Variants in EPB41 observed in about 807,000 individuals in gnomAD.
EPB41 encodes erythrocyte membrane protein band 4.1.
Under a neutral mutation model 108.0 loss-of-function variants are expected in EPB41, and 65 were observed. The ratio of observed to expected loss-of-function variants is 0.60; its 90% CI spans 0.49 to 0.74. The LOEUF is 0.74. EPB41 is among the 30% of genes least tolerant of loss of function. The pLI is 0.00. For missense variants in EPB41, 875 were observed against 1,037.0 expected, an observed-to-expected ratio of 0.84 and a Z score of 2.15; for synonymous variants, 336 against 358.9, an observed-to-expected ratio of 0.94 and a Z score of 0.72.
At position 29,119,009 on chromosome 1, in the gene EPB41, A is replaced by C. The variant is rs895724703; in HGVS notation, c.*2197A>C. ...GTCCCTTTAAAAACTAACCCACTGA[A>C]TATTCCGTGTGATCTAGAACAGTGT... On this transcript the variant is annotated 3_prime_UTR_variant, in exon 21 of 21. Transcript: ENST00000343067. 1 of 152,242 alleles carries C rather than the reference A, an allele frequency of 6.6e-6. No individual in the cohort carries two copies. Among genetic ancestry groups the C allele is most frequent in the Non-Finnish European group, 1.5e-5 (1 of 68,052 alleles). 9.4% of individuals were successfully genotyped at this position (152,242 alleles called of 1,614,324 possible).
intron 1 of EPB41, among the ~76,000 whole-genome samples, chr1:28,935,528 C>A (rs1224840389): frequency 3.4e-5 from 5 of 147,404 alleles, no homozygotes; most frequent in Non-Finnish European, 6.0e-5. Context: ...ATCTTCTTCC[C>A]TCTAGTCTTT....
chr1:29,029,205 A>G (rs1024440345), intron 7 of EPB41, among the ~76,000 whole-genome samples: 3 of 152,232 alleles, frequency 2.0e-5, no homozygotes, highest in Non-Finnish European at 4.4e-5. Context: ...GAATATACAG[A>G]CTTGCATAAG....
chr1:29,017,656 A>G (rs1236737581), intron 6 of EPB41, among the ~76,000 whole-genome samples: 1 of 152,226 alleles, frequency 6.6e-6, no homozygotes, highest in East Asian at 1.9e-4. Flanking sequence ...TGAAAATGTC[A>G]GTAATGTCAT....
intron 19 of EPB41, among the ~76,000 whole-genome samples, chr1:29,112,851 G>A (rs1669642407): frequency 6.6e-6 from 1 of 152,146 alleles, no homozygotes; most frequent in Middle Eastern, 3.4e-3. Flanking sequence ...TGGAGCTATT[G>A]TTATTCCGAA....
chr1:28,918,381 A>G (rs1287479905), intron 1 of EPB41, among the ~76,000 whole-genome samples: 1 of 152,102 alleles, frequency 6.6e-6, no homozygotes, highest in East Asian at 1.9e-4. Context: ...AGTTTCATCA[A>G]GTTTGTGTTT....
rs775337140 is a variant in EPB41, at chr1:28,987,679, G to T, written c.242G>T (p.Arg81Leu). The change falls in exon 2 of 21, where the codon CGA becomes CTA. Residue 81 changes from arginine (R) to leucine (L), a missense_variant. Arg to Leu is a moderately radical substitution (Grantham distance 102). This residue lies in a region of EPB41 where 353 missense variants were observed against 393.2 expected (regional missense o/e 0.90). Transcript: ENST00000343067. ...ACATCAGAAAGCAGAGGACTTTCAC[G>T]ACTATTCTCCTCGTTTCTCAAAAGG... ...ERTSESRGLS[R>L]LFSSFLKRPK... 1 of 1,614,078 alleles carries T rather than the reference G, an allele frequency of 6.2e-7. No homozygotes were observed. Among genetic ancestry groups the T allele is most frequent in the Admixed American group, 1.7e-5 (1 of 60,000 alleles).
chr1:29,106,519 G>T (rs1369700073), intron 17 of EPB41, among the ~76,000 whole-genome samples: 1 of 143,082 alleles, frequency 7.0e-6, no homozygotes, highest in Non-Finnish European at 1.5e-5. Flanking sequence ...GTGCAGTGGC[G>T]CAATCTCAAC....
At chr1:29,045,807 TAAAAAAAAA>T (rs201526339) in intron 11 of EPB41, among the ~76,000 whole-genome samples, 1 of 103,774 alleles carries the variant, frequency 9.6e-6, no homozygotes, top group Admixed American at 1.1e-4. Flanking sequence ...ACCCTGTCTC[TAAAAAAAAA>T]AAAAAAAAAA....
At chr1:28,896,447 G>A (rs1046748776) in intron 1 of EPB41, among the ~76,000 whole-genome samples, 1 of 152,132 alleles carries the variant, frequency 6.6e-6, no homozygotes, top group African/African-American at 2.4e-5. Context: ...TCTGTGTCAG[G>A]CCCTGTGCTG....
At chr1:29,111,576 C>A (rs529781474) in intron 18 of EPB41, among the ~76,000 whole-genome samples, 75 of 151,826 alleles carry the variant, frequency 4.9e-4, no homozygotes, top group African/African-American at 1.7e-3. Flanking sequence ...TGGTGTGAAC[C>A]CAGTAGACAG....
At chr1:29,061,598 T>TTTTTTTTTG (rs1646582569) in intron 15 of EPB41, among the ~76,000 whole-genome samples, 1 of 145,168 alleles carries the variant, frequency 6.9e-6, no homozygotes, top group African/African-American at 2.6e-5. Context: ...TTTTTTTTTT[T>TTTTTTTTTG]GAGGCGGGTC....
chr1:29,090,152 T>G (rs1660674577), intron 16 of EPB41, among the ~76,000 whole-genome samples: 1 of 152,012 alleles, frequency 6.6e-6, no homozygotes, highest in African/African-American at 2.4e-5. Context: ...TAACCCCAGC[T>G]ACTTGGAGGT....
chr1:28,933,215 G>T (rs896630507), intron 1 of EPB41, among the ~76,000 whole-genome samples: 1 of 152,140 alleles, frequency 6.6e-6, no homozygotes, highest in Non-Finnish European at 1.5e-5. Context: ...GGCAACATTT[G>T]TCTTTGAGTC....
chr1:28,913,363 G>C (rs1007397294), upstream of EPB41, among the ~76,000 whole-genome samples: 5 of 152,102 alleles, frequency 3.3e-5, no homozygotes, highest in Admixed American at 3.3e-4. Flanking sequence ...GCTTGAACCC[G>C]GGAGGCAGAG....
At chr1:28,949,913 T>C (rs1335579115) in intron 1 of EPB41, among the ~76,000 whole-genome samples, 1 of 152,234 alleles carries the variant, frequency 6.6e-6, no homozygotes, top group African/African-American at 2.4e-5. Flanking sequence ...CACTCTGTTA[T>C]TTTTAAGACA....
At chr1:28,943,097 A>G (rs2094357386) in intron 1 of EPB41, among the ~76,000 whole-genome samples, 1 of 152,222 alleles carries the variant, frequency 6.6e-6, no homozygotes, top group Non-Finnish European at 1.5e-5. Flanking sequence ...GATATAAGAA[A>G]AAGTTCTTCT....
At chr1:29,070,399 G>T (rs1650768449) in intron 16 of EPB41, 2 of 1,232,118 alleles carry the variant, frequency 1.6e-6, no homozygotes, top group South Asian at 4.1e-5. Flanking sequence ...AGGATGAAGA[G>T]AAAATTAAAA....
chr1:28,942,597 C>CATGT (rs1220512863), intron 1 of EPB41, among the ~76,000 whole-genome samples: 2 of 152,258 alleles, frequency 1.3e-5, no homozygotes, highest in Middle Eastern at 3.2e-3. Flanking sequence ...CACGATCTTA[C>CATGT]ATGTGTTCAG....
chr1:29,071,783 G>A (rs1651592154), intron 16 of EPB41: 1 of 152,020 alleles, frequency 6.6e-6, no homozygotes, highest in South Asian at 2.1e-4. Flanking sequence ...GCTTTTTATG[G>A]CACTTGAATG....
Sources: allele counts gnomAD v4.1 joint callset (sites outside exome capture counted in the v4.1 genomes callset), GRCh38; gene constraint gnomAD v4.1.1; regional missense constraint gnomAD v4.1.1; transcripts MANE v1.5; gene names NCBI Gene and HGNC (gene_info 2026-07-23, HGNC 2026-07-21).